The following LILRB5 variants were observed in gnomAD, a reference collection of about 807,000 sequenced individuals.
The protein encoded by LILRB5 is leukocyte immunoglobulin-like receptor subfamily B member 5.
LILRB5 carries 61 observed loss-of-function variants against 68.4 expected under a neutral mutation model. The observed-to-expected ratio is 0.89, with a 90% CI of 0.73 to 1.10. The LOEUF is 1.10. Ranked by LOEUF, LILRB5 falls within the 50% of genes least tolerant of loss-of-function variation. LILRB5 has a pLI of 0.00. For missense variants in LILRB5, 771 were observed against 751.6 expected (o/e 1.03, Z -0.30); for synonymous variants, 356 against 315.8 (o/e 1.13, Z -1.35).
At chr19:54,255,642 C>G in intron 4 of LILRB5, 60 bp from the exon 5 acceptor site, 1 of 1,531,966 alleles carries the variant, frequency 6.5e-7, no homozygotes, top group East Asian at 2.3e-5. Flanking sequence ...CCTTCCTTCT[C>G]CCGTCCTGGC....
In LILRB5 at chr19:54,257,229, G is replaced by C. The variant is rs375688057; in HGVS notation, c.-36C>G. On this transcript the variant is annotated 5_prime_UTR_variant, in exon 1 of 13. The change creates a new upstream start codon in the 5' untranslated region. Coordinates refer to ENST00000449561, the MANE Select transcript of LILRB5 (RefSeq NM_001081442.3). The stretch of plus-strand genomic sequence containing the variant: ...CCCACTGGACTCAGCTGTGCAGGCG[G>C]ATGAGACCACGGTGCCTGGCAGGAC... The C allele has an allele frequency of 6.2e-7, 1 of 1,614,076 alleles. No homozygotes were observed. The highest frequency in any genetic ancestry group is 1.3e-5 in the African/African-American group (1 of 75,066).
At chr19:54,251,222 G>A (rs1436122595) in intron 12 of LILRB5, 2 of 1,342,192 alleles carry the variant, frequency 1.5e-6, no homozygotes, top group African/African-American at 2.9e-5. Flanking sequence ...ACCTCCTGGA[G>A]TCAATTTTCC....
Position 54,250,804 on chromosome 19 carries a change from G to C in LILRB5, c.1758C>G (p.Ala586=), listed in dbSNP as rs1425874108. ...REPPAEPSIY[A]PLAIH The stretch of plus-strand genomic sequence containing the variant: ...CCGTGGGCTAGTGGATGGCCAGGGG[G>C]GCGTAGATGCTGGGTTCAGCTGGAG... The change falls in exon 13 of 13, where the codon GCC becomes GCG. Residue 586 remains alanine, a synonymous_variant. Coordinates refer to ENST00000449561, the MANE Select transcript of LILRB5 (RefSeq NM_001081442.3). The C allele has an allele frequency of 1.9e-6, 3 of 1,614,066 alleles. No individual in the cohort carries two copies. Among genetic ancestry groups the C allele is most frequent in the Non-Finnish European group, 2.5e-6 (3 of 1,180,012 alleles).
chr19:54,255,080 C>G lies in LILRB5; in HGVS notation c.953-43G>C, dbSNP rs750819835. On this transcript the variant is annotated intron_variant, in intron 5 of 12. Coordinates refer to ENST00000449561, the MANE Select transcript of LILRB5 (RefSeq NM_001081442.3). ...GGGTGAGGGGCTGCCCCACCTTGCT[C>G]TGAGCTGAGACCTCCCCAGGCCTCT... 1.2e-5 allele frequency: 19 copies of G among 1,559,146 alleles called. No homozygotes were observed. The East Asian group carries it at 4.3e-4, about 35-fold the overall frequency.
rs772847456 is a variant in LILRB5, at chr19:54,255,395, G to T, written c.843C>A (p.Thr281=). The T allele has an allele frequency of 6.2e-7, 1 of 1,614,136 alleles. No homozygotes were observed. ...CGTGGGAGCGGCTCACAGGGCCCAGGGTGAAGTTGGCCTGGGAGAGCCCAG... is the reference window on the plus strand; with the variant it reads ...CGTGGGAGCGGCTCACAGGGCCCAGTGTGAAGTTGGCCTGGGAGAGCCCAG... ...PQAGLSQANF[T]LGPVSRSHGG... The change falls in exon 5 of 13, where the codon ACC becomes ACA. Residue 281 remains threonine (T), a synonymous_variant. Coordinates refer to ENST00000449561, the MANE Select transcript of LILRB5 (RefSeq NM_001081442.3).
intron 9 of LILRB5, 60 bp from the exon 10 acceptor site, chr19:54,252,609 C>T (rs1293377429): frequency 1.3e-6 from 2 of 1,584,280 alleles, no homozygotes; most frequent in Non-Finnish European, 8.6e-7. Context: ...GCCCTGCACA[C>T]ACAACTCGAG....
intron 1 of LILRB5, 49 bp downstream of exon 1, chr19:54,257,111 T>C (rs967771801): frequency 2.5e-6 from 4 of 1,613,864 alleles, no homozygotes; most frequent in African/African-American, 1.3e-5. Flanking sequence ...CGCTTTAGAG[T>C]GAGCTCCCTC....
In LILRB5 at chr19:54,252,375, C is replaced by A; in HGVS notation, c.1567G>T (p.Glu523Ter). ...RASPVADIQE[E>*]ILNAAVKDTQ... ...GCTTCTAGTCACTCACTGAGAATTT[C>A]CTCCTGGATGTCAGCAACTGGGCTG... is the stretch of plus-strand genomic sequence containing the variant. The change falls in exon 11 of 13, where the codon GAA (glutamate) becomes TAA (stop). Residue 523 changes from glutamate to a stop codon, truncating the protein, a stop_gained. Coordinates refer to ENST00000449561, the MANE Select transcript of LILRB5 (RefSeq NM_001081442.3). LOFTEE classifies it high-confidence loss of function. The A allele has an allele frequency of 1.2e-6, 2 of 1,614,078 alleles. No individual in the cohort carries two copies. Among genetic ancestry groups the A allele is most frequent in the African/African-American group, 2.7e-5 (2 of 75,040 alleles).
chr19:54,252,837 G>T (rs201499936), intron 9 of LILRB5, 34 bp downstream of exon 9: 66 of 1,567,820 alleles, frequency 4.2e-5, no homozygotes, highest in Middle Eastern at 3.4e-4. Flanking sequence ...GCCCACCCTC[G>T]GTCGGCCCAC....
rs765189251 is a variant in LILRB5 at position 54,249,981 on chromosome 19, C to A, written c.*805G>T. 1 of 150,694 alleles carries A rather than the reference C, an allele frequency of 6.6e-6. No individual in the cohort carries two copies. Among genetic ancestry groups the A allele is most frequent in the African/African-American group, 2.4e-5 (1 of 40,826 alleles). 9.3% of individuals were successfully genotyped at this position (150,694 alleles called of 1,614,324 possible). On this transcript the variant is annotated 3_prime_UTR_variant, in exon 13 of 13. Transcript: ENST00000449561. ...CCGGGAGGCAGAGGTTGCAGTGAGC[C>A]GAGATCACTCCACTGTACTCCAGCC...
At position 54,255,920 on chromosome 19, in the gene LILRB5, C is replaced by T. The variant is rs772049567; in HGVS notation, c.655+123G>A. The T allele has an allele frequency of 8.3e-5, 69 of 833,902 alleles. 1 individual carries two copies. The highest frequency in any genetic ancestry group is 4.7e-4 in the South Asian group (25 of 53,148). The allele number at this position is 833,902 out of a possible 1,614,324, so 51.7% of individuals were successfully genotyped here. On this transcript the variant is annotated intron_variant, in intron 4 of 12. Transcript: ENST00000449561. The stretch of plus-strand genomic sequence containing the variant: ...GAGCCTCCCCGTGGGGTCTTCCTCA[C>T]GCCTTCAGCCCATCCATCAACACAT...
In LILRB5 at chr19:54,256,749, C is replaced by A; in HGVS notation, c.95G>T (p.Trp32Leu). 6.2e-7 allele frequency: 1 copy of A among 1,614,054 alleles called. No homozygotes were observed. Among genetic ancestry groups the A allele is most frequent in the Non-Finnish European group, 8.5e-7 (1 of 1,180,010 alleles). ...QAGTLPKPTL[W>L]AEPASVIARG... ...AGCTATCACAGAGGCTGGCTCAGCC[C>A]AGAGGGTGGGTTTGGGGAGGGTGCC... is the stretch of plus-strand genomic sequence containing the variant. The change falls in exon 3 of 13, where the codon TGG becomes TTG. Residue 32 changes from tryptophan to leucine, a missense_variant. By Grantham distance (61) the Trp-to-Leu change is moderately conservative. Transcript: ENST00000449561.
intron 8 of LILRB5, 26 bp downstream of exon 8, chr19:54,253,992 C>T (rs1363744982): frequency 1.3e-6 from 2 of 1,574,626 alleles, no homozygotes; most frequent in Admixed American, 1.8e-5. Flanking sequence ...TCTCCGCCCA[C>T]CTCCCACTCA....
In LILRB5 at chr19:54,250,788, A is replaced by G. The variant is rs901849237; in HGVS notation, c.1774T>C (p.Ter592GlnextTer59). The change falls in exon 13 of 13, where the codon TAG becomes CAG. Residue 592 changes from the stop codon to glutamine, a stop_lost. Transcript: ENST00000449561. Reference sequence around the variant, plus strand: ...ATGAGATCTGGGTCCCCCGTGGGCTAGTGGATGGCCAGGGGGGCGTAGATG... The same window carrying G: ...ATGAGATCTGGGTCCCCCGTGGGCTGGTGGATGGCCAGGGGGGCGTAGATG... The part of the protein sequence containing the change: ...PSIYAPLAIH[*>Q] The G allele has an allele frequency of 1.2e-5, 19 of 1,613,800 alleles. No individual in the cohort carries two copies. The highest frequency in any genetic ancestry group is 1.5e-5 in the Non-Finnish European group (18 of 1,179,982).
chr19:54,251,110 T>A (rs200951199), intron 12 of LILRB5, 178 bp from the exon 13 acceptor site: 223,457 of 1,334,872 alleles, frequency 0.17, 12,280 homozygotes, highest in Middle Eastern at 0.24. Flanking sequence ...CTCTCCTAGG[T>A]CTGGAGTGTT....
rs2078900721 is a variant in LILRB5, at chr19:54,250,188, C to A, written c.*598G>T. 1 of 153,110 alleles carries A rather than the reference C, an allele frequency of 6.5e-6. No individual in the cohort carries two copies. The highest frequency in any genetic ancestry group is 1.5e-5 in the Non-Finnish European group (1 of 68,688). The allele number at this position is 153,110 out of a possible 1,614,324, so 9.5% of individuals were successfully genotyped here. A position where few individuals can be genotyped will look rare whatever the true frequency, so the allele number is the denominator to read the frequency against. Reference sequence around the variant, plus strand: ...TGTGTCAGATTTGTGGTGGTGTCTGCTGTTTCACCCCCATATGGAAATGTG... The same window carrying A: ...TGTGTCAGATTTGTGGTGGTGTCTGATGTTTCACCCCCATATGGAAATGTG... On this transcript the variant is annotated 3_prime_UTR_variant, in exon 13 of 13. Transcript: ENST00000449561.
In LILRB5 at chr19:54,255,044, A is replaced by G; in HGVS notation, c.953-7T>C. 1 of 1,587,820 alleles carries G rather than the reference A, an allele frequency of 6.3e-7. No individual in the cohort carries two copies. The highest frequency in any genetic ancestry group is 1.1e-5 in the South Asian group (1 of 88,522). ...GGTATGTCAGGGATCAGTCCTGGAGAGAAGAAGGATGGGTGAGGGGCTGCC... is the reference window on the plus strand; with the variant it reads ...GGTATGTCAGGGATCAGTCCTGGAGGGAAGAAGGATGGGTGAGGGGCTGCC... On this transcript the variant is annotated splice_polypyrimidine_tract_variant and splice_region_variant and intron_variant, in intron 5 of 12. Transcript: ENST00000449561.
rs1314632733 is a variant in LILRB5, at chr19:54,254,010, T to G, written c.1357+8A>C. On this transcript the variant is annotated splice_region_variant and intron_variant, in intron 8 of 12. Transcript: ENST00000449561. ...CCGCCCACCTCCCACTCAGAGCCCC[T>G]CACTCACCACTCTGGGGATCCAACC... 2.5e-6 allele frequency: 4 copies of G among 1,587,552 alleles called. No homozygotes were observed. The highest frequency in any genetic ancestry group is 3.4e-6 in the Non-Finnish European group (4 of 1,166,142).
In LILRB5 at chr19:54,255,539, G is replaced by A. The variant is rs1378021656; in HGVS notation, c.699C>T (p.Val233=). 14 of 1,613,972 alleles carry A rather than the reference G, an allele frequency of 8.7e-6. No individual in the cohort carries two copies. The highest frequency in any genetic ancestry group is 2.2e-5 in the South Asian group (2 of 91,084). The stretch of plus-strand genomic sequence containing the variant: ...GGGTCAGGCTGCCTCCGCGGGCCAC[G>A]ACAGAGCCCTGCGGGATCAGGAGGG... ...KPSLLIPQGS[V]VARGGSLTLQ... The change falls in exon 5 of 13, where the codon GTC becomes GTT. Residue 233 remains valine (V), a synonymous_variant. Transcript: ENST00000449561.
Sources: allele counts gnomAD v4.1 joint callset, GRCh38; gene constraint gnomAD v4.1.1; transcripts MANE v1.5; gene names NCBI Gene and HGNC (gene_info 2026-07-23, HGNC 2026-07-21).